Variants in CACNB2 observed in about 807,000 individuals in gnomAD.
CACNB2 encodes voltage-dependent L-type calcium channel subunit beta-2.
CACNB2 carries 42 observed loss-of-function variants against 73.3 expected under a neutral mutation model. The observed-to-expected ratio is 0.57, with a 90% CI of 0.45 to 0.74. The LOEUF is 0.74. CACNB2 is among the 30% of genes least tolerant of loss of function. The pLI is 0.00. For synonymous variants in CACNB2, 348 were observed against 310.3 expected, an observed-to-expected ratio of 1.12 and a Z score of -1.28; for missense variants, 940 against 853.0, an observed-to-expected ratio of 1.10 and a Z score of -1.27.
At chr10:18,302,275 C>CG (rs1301300791) in intron 2 of CACNB2, among the ~76,000 whole-genome samples, 2 of 145,072 alleles carry the variant, frequency 1.4e-5, no homozygotes, top group Non-Finnish European at 3.0e-5. Flanking sequence ...AGGGGTGGGT[C>CG]GGGGGGCGCT....
intron 3 of CACNB2, among the ~76,000 whole-genome samples, chr10:18,463,846 T>A (rs1027521937): frequency 6.6e-6 from 1 of 151,954 alleles, no homozygotes; most frequent in Non-Finnish European, 1.5e-5. Context: ...AAACACCACA[T>A]CCCAGCTCCT....
chr10:18,331,497 A>G (rs1321817128), intron 2 of CACNB2, among the ~76,000 whole-genome samples: 2 of 150,400 alleles, frequency 1.3e-5, no homozygotes, highest in Non-Finnish European at 3.0e-5. Flanking sequence ...AAATTGCACA[A>G]TTTCTTCTGA....
chr10:18,317,543 T>A (rs1402825647), intron 2 of CACNB2, among the ~76,000 whole-genome samples: 2 of 152,226 alleles, frequency 1.3e-5, no homozygotes, highest in African/African-American at 2.4e-5. Context: ...GCTGCATCCA[T>A]GTGGCTGCAA....
rs533369699 is a variant in CACNB2, at chr10:18,482,148, C to T, written c.334-16207C>T. On this transcript the variant is annotated intron_variant, in intron 3 of 13. Coordinates refer to ENST00000324631, the MANE Select transcript of CACNB2 (RefSeq NM_201596.3). The stretch of plus-strand genomic sequence containing the variant: ...GCCTCAAGCAATCCATCTCGGCTTT[C>T]CAAACTGTTGGGAATACAAGTGTGA... Among the ~76,000 whole-genome samples the T allele has an allele frequency of 2.2e-4, 33 of 152,236 alleles. No homozygotes were observed. The South Asian group carries it at 6.9e-3, about 32-fold the overall frequency.
chr10:18,211,217 G>A (rs563696232), intron 2 of CACNB2, among the ~76,000 whole-genome samples: 1 of 152,190 alleles, frequency 6.6e-6, no homozygotes, highest in Admixed American at 6.5e-5. Flanking sequence ...AGATGGAAAA[G>A]AGAAAGCCGG....
At chr10:18,150,855 C>CTTTTTTTTTTTTGTTTTTTTTTTTTTT in intron 1 of CACNB2, 28 bp from the exon 2 acceptor site, 1 of 483,392 alleles carries the variant, frequency 2.1e-6, no homozygotes, top group Non-Finnish European at 3.1e-6. Flanking sequence ...TCTTATTTGT[C>CTTTTTTTTTTTTGTTTTTTTTTTTTTT]TTTTTTTTTT....
At chr10:18,481,695 C>G (rs2048786671) in intron 3 of CACNB2, among the ~76,000 whole-genome samples, 1 of 152,086 alleles carries the variant, frequency 6.6e-6, no homozygotes. Context: ...TTCCCTGATT[C>G]CTTCTCTGGC....
intron 2 of CACNB2, among the ~76,000 whole-genome samples, chr10:18,324,060 T>C (rs1461576139): frequency 6.6e-6 from 1 of 152,188 alleles, no homozygotes; most frequent in East Asian, 1.9e-4. Context: ...ATGAGTGTAA[T>C]GGCTAGGAAG....
At chr10:18,228,448 A>AAAAAAAAAAAT (rs1564360920) in intron 2 of CACNB2, among the ~76,000 whole-genome samples, 1 of 140,146 alleles carries the variant, frequency 7.1e-6, no homozygotes, top group African/African-American at 2.7e-5. Context: ...AAAAAAAAAA[A>AAAAAAAAAAAT]AGAAAAAAAA....
At chr10:18,307,245 C>A (rs374697170) in intron 2 of CACNB2, among the ~76,000 whole-genome samples, 1 of 152,094 alleles carries the variant, frequency 6.6e-6, no homozygotes, top group Non-Finnish European at 1.5e-5. Context: ...GGGCAGATCA[C>A]GAGGCCTGAA....
chr10:18,490,456 G>C (rs2049345609), intron 3 of CACNB2, among the ~76,000 whole-genome samples: 1 of 152,034 alleles, frequency 6.6e-6, no homozygotes, highest in Admixed American at 6.6e-5. Context: ...AGCAAAAACT[G>C]GTAGAAAAGT....
At chr10:18,228,857 G>T (rs920381037) in intron 2 of CACNB2, among the ~76,000 whole-genome samples, 1 of 152,124 alleles carries the variant, frequency 6.6e-6, no homozygotes. Flanking sequence ...TCCTGCCTCA[G>T]CCTCCCAAGT....
At chr10:18,527,468 TG>T (rs1267377663) in intron 9 of CACNB2, 119 bp from the exon 10 acceptor site, 2 of 726,768 alleles carry the variant, frequency 2.8e-6, no homozygotes, top group African/African-American at 3.5e-5. Context: ...CTAACACATA[TG>T]GTTTGAAAAT....
intron 2 of CACNB2, among the ~76,000 whole-genome samples, chr10:18,169,658 A>G (rs34537345): frequency 0.085 from 12,929 of 152,214 alleles, 590 homozygotes; most frequent in South Asian, 0.12. Flanking sequence ...AGCGGAGATT[A>G]ACACTTTATT....
intron 2 of CACNB2, among the ~76,000 whole-genome samples, chr10:18,192,268 G>GTTCATTCGTTCATTCA (rs1554767609): frequency 9.3e-5 from 14 of 151,274 alleles, no homozygotes; most frequent in Non-Finnish European, 1.8e-4. Context: ...TCAGACTTAC[G>GTTCATTCGTTCATTCA]TTCATTCATT....
At chr10:18,148,020 T>A (rs1245318209) in intron 1 of CACNB2, among the ~76,000 whole-genome samples, 2 of 149,864 alleles carry the variant, frequency 1.3e-5, no homozygotes, top group Non-Finnish European at 3.0e-5. Flanking sequence ...CTTTAAATGT[T>A]TTTTTGTTTT....
At chr10:18,307,337 C>G in intron 2 of CACNB2, among the ~76,000 whole-genome samples, 1 of 152,122 alleles carries the variant, frequency 6.6e-6, no homozygotes, top group Non-Finnish European at 1.5e-5. Context: ...TGGCACACGC[C>G]TGTAGTCCCA....
At chr10:18,518,226 C>T (rs1204156606) in intron 7 of CACNB2, 110 bp from the exon 8 acceptor site, 3 of 798,198 alleles carry the variant, frequency 3.8e-6, no homozygotes, top group East Asian at 2.4e-5. Flanking sequence ...AATAAAATGT[C>T]TGGAAAGCCA....
At chr10:18,396,826 A>AT (rs2132492727) in intron 2 of CACNB2, among the ~76,000 whole-genome samples, 1 of 152,264 alleles carries the variant, frequency 6.6e-6, no homozygotes, top group African/African-American at 2.4e-5. Flanking sequence ...TGAGTTTGCC[A>AT]TTGGGTCAGC....
Sources: gnomAD v4.1 joint callset for allele counts (sites outside exome capture counted in the v4.1 genomes callset) on GRCh38, gnomAD v4.1.1 for gene constraint, MANE v1.5 for transcripts, NCBI Gene and HGNC (gene_info 2026-07-23, HGNC 2026-07-21) for gene names.